The following EYS variants were observed in gnomAD, a reference collection of about 807,000 sequenced individuals.
EYS encodes protein eyes shut homolog.
In EYS, 250 loss-of-function variants were observed where a neutral mutation model predicts 282.1. That is an observed-to-expected ratio of 0.89 (90% CI 0.80 to 0.98). The LOEUF is 0.98. Among genes scored for constraint, EYS ranks in the 50% least tolerant of loss-of-function variants. The pLI is 0.00. For missense variants in EYS, 4,016 were observed against 3,709.0 expected, an observed-to-expected ratio of 1.08 and a Z score of -2.15; for synonymous variants, 1,355 against 1,282.9, an observed-to-expected ratio of 1.06 and a Z score of -1.20.
At chr6:63,735,302 T>C (rs913727715) in intron 41 of EYS, among the ~76,000 whole-genome samples, 1 of 152,118 alleles carries the variant, frequency 6.6e-6, no homozygotes, top group Admixed American at 6.6e-5. Flanking sequence ...AAGAGGTGTG[T>C]AATAATGGAA....
At chr6:65,231,111 G>GTATTTATATATATATATACTTTTATATA (rs1766765399) in intron 12 of EYS, among the ~76,000 whole-genome samples, 2 of 101,190 alleles carry the variant, frequency 2.0e-5, no homozygotes, top group African/African-American at 8.3e-5. Context: ...TTATATATAT[G>GTATTTATATATATATATACTTTTATATA]TATTTATATA....
At chr6:65,213,885 G>C (rs1259748019) in intron 12 of EYS, among the ~76,000 whole-genome samples, 3 of 152,066 alleles carry the variant, frequency 2.0e-5, no homozygotes, top group Admixed American at 2.0e-4. Flanking sequence ...AGCTGGCCGG[G>C]CGTGGTGGCT....
chr6:64,293,485 A>T (rs1031095382), intron 30 of EYS, among the ~76,000 whole-genome samples: 5 of 152,098 alleles, frequency 3.3e-5, no homozygotes, highest in African/African-American at 9.7e-5. Flanking sequence ...TATTATCACA[A>T]CACATTCCTT....
chr6:65,650,228 G>A (rs1767605729), intron 1 of EYS, among the ~76,000 whole-genome samples: 1 of 152,148 alleles, frequency 6.6e-6, no homozygotes. Flanking sequence ...ACTTTAAATA[G>A]AAAACATTAG....
chr6:64,158,423 A>G (rs193059556), intron 31 of EYS, among the ~76,000 whole-genome samples: 4 of 152,328 alleles, frequency 2.6e-5, no homozygotes, highest in African/African-American at 9.6e-5. Context: ...AAAGAAAACT[A>G]AATTGTTCAA....
intron 33 of EYS, among the ~76,000 whole-genome samples, chr6:64,018,977 G>A (rs1271292823): frequency 6.6e-6 from 1 of 151,910 alleles, no homozygotes; most frequent in African/African-American, 2.4e-5. Flanking sequence ...GTTTCGCCAT[G>A]TTGGCCAGAC....
intron 22 of EYS, among the ~76,000 whole-genome samples, chr6:64,716,111 A>G (rs1223490891): frequency 1.3e-5 from 2 of 152,190 alleles, no homozygotes; most frequent in African/African-American, 4.8e-5. Flanking sequence ...AATTTTAATC[A>G]CACCCTGCAA....
rs1562078802 is a variant in EYS at position 64,590,284 on chromosome 6, A to G, written c.5583T>C (p.Thr1861=). The G allele has an allele frequency of 1.3e-6, 2 of 1,550,982 alleles. No homozygotes were observed. The highest frequency in any genetic ancestry group is 2.7e-5 in the African/African-American group (2 of 73,018). Residue 1861 remains threonine (T), a synonymous_variant, in exon 26 of 43, where the codon ACT becomes ACC. Transcript: ENST00000503581. ...FPTASRHLPF[T]RSLTLSSLES... ...CCAGTGAAGACAAAGTAAGAGATCT[A>G]GTGAAGGGAAGATGCCGGCTTGCAG...
chr6:64,590,472 T>A lies in EYS; in HGVS notation c.5395A>T (p.Thr1799Ser). ...GACGTCTGTATTGAAAGTGCTGGAGTTGCTGAAACTGTATAAAATGCAACA... is the reference window on the plus strand; with the variant it reads ...GACGTCTGTATTGAAAGTGCTGGAGATGCTGAAACTGTATAAAATGCAACA... The part of the protein sequence containing the change: ...TNVAFYTVSA[T>S]PALSIQTSSS... Residue 1799 changes from threonine to serine, a missense_variant, in exon 26 of 43, where the codon ACT becomes TCT. Thr to Ser is a moderately conservative substitution (Grantham distance 58). Transcript: ENST00000503581. 1 of 1,551,320 alleles carries A rather than the reference T, an allele frequency of 6.4e-7. No homozygotes were observed. The highest frequency in any genetic ancestry group is 1.4e-5 in the African/African-American group (1 of 73,116).
At chr6:63,988,625 G>C (rs963423940) in intron 34 of EYS, among the ~76,000 whole-genome samples, 1 of 151,580 alleles carries the variant, frequency 6.6e-6, no homozygotes, top group African/African-American at 2.4e-5. Context: ...TAAGGAGACA[G>C]GTCTTTAACA....
intron 14 of EYS, among the ~76,000 whole-genome samples, chr6:64,988,136 A>T (rs1170269293): frequency 6.6e-6 from 1 of 151,356 alleles, no homozygotes; most frequent in Admixed American, 6.6e-5. Flanking sequence ...GAGGGCAAAA[A>T]AAAAAGACCA....
At chr6:65,699,033 A>G (rs1769558935) in intron 1 of EYS, among the ~76,000 whole-genome samples, 1 of 152,184 alleles carries the variant, frequency 6.6e-6, no homozygotes, top group South Asian at 2.1e-4. Flanking sequence ...TTTATTTGCT[A>G]TTCATGAATT....
At position 64,436,196 on chromosome 6, in the gene EYS, G is replaced by T; in HGVS notation, c.5905C>A (p.Gln1969Lys). The change falls in exon 28 of 43, where the codon CAA becomes AAA. Residue 1969 changes from glutamine to lysine, a missense_variant. Gln to Lys is a moderately conservative substitution (Grantham distance 53). Coordinates refer to ENST00000503581, the MANE Select transcript of EYS (RefSeq NM_001142800.2). ...TACCTGATAAGCAGTGTATACTTTT[G>T]CCCGTTGTCCACTCTAACAGTAGTA... Reference protein sequence around the residue: ...INTTVRVDNGQKYTLLIRQEL... With the variant: ...INTTVRVDNGKKYTLLIRQEL... 2 of 1,539,734 alleles carry T rather than the reference G, an allele frequency of 1.3e-6. No individual in the cohort carries two copies. The highest frequency in any genetic ancestry group is 4.9e-5 in the East Asian group (2 of 40,636).
intron 12 of EYS, among the ~76,000 whole-genome samples, chr6:65,292,132 C>A (rs1768543976): frequency 6.6e-6 from 1 of 151,560 alleles, no homozygotes; most frequent in Non-Finnish European, 1.5e-5. Flanking sequence ...TGGGGAAAAC[C>A]ATAAATACAA....
chr6:64,861,667 T>C (rs1394951864), intron 19 of EYS, among the ~76,000 whole-genome samples: 1 of 152,186 alleles, frequency 6.6e-6, no homozygotes, highest in Non-Finnish European at 1.5e-5. Context: ...CACTTTTAAA[T>C]AAATTTTTTC....
intron 7 of EYS, among the ~76,000 whole-genome samples, chr6:65,394,846 G>A (rs1766213977): frequency 6.6e-6 from 1 of 152,010 alleles, no homozygotes; most frequent in Admixed American, 6.6e-5. Flanking sequence ...ACAGCCCAAT[G>A]TCTACATGTT....
At chr6:65,175,930 T>C (rs1338351445) in intron 12 of EYS, among the ~76,000 whole-genome samples, 1 of 151,508 alleles carries the variant, frequency 6.6e-6, no homozygotes, top group East Asian at 2.0e-4. Flanking sequence ...TTCCCCCAAA[T>C]CTTTACTGCA....
chr6:64,688,922 G>A (rs1012194638), intron 22 of EYS, among the ~76,000 whole-genome samples: 4 of 151,750 alleles, frequency 2.6e-5, no homozygotes, highest in Admixed American at 2.6e-4. Context: ...AGACAGTGAT[G>A]CCCTCTCTCA....
intron 35 of EYS, among the ~76,000 whole-genome samples, chr6:63,964,093 T>C (rs534543429): frequency 6.6e-6 from 1 of 152,334 alleles, no homozygotes; most frequent in South Asian, 2.1e-4. Flanking sequence ...CAGTTTTTTT[T>C]TCCAGTGGAA....
Sources: gnomAD v4.1 joint callset for allele counts (sites outside exome capture counted in the v4.1 genomes callset) on GRCh38, gnomAD v4.1.1 for gene constraint, MANE v1.5 for transcripts, NCBI Gene and HGNC (gene_info 2026-07-23, HGNC 2026-07-21) for gene names.